The following TPRG1 variants were observed in gnomAD, a reference collection of about 807,000 sequenced individuals.
TPRG1 encodes tumor protein p63-regulated gene 1 protein.
A neutral mutation model predicts 29.3 loss-of-function variants in TPRG1; 29 were observed. That is an observed-to-expected ratio of 0.99 (90% CI 0.74 to 1.35). The LOEUF is 1.35. Among genes scored for constraint, TPRG1 ranks in the 40% most tolerant of loss-of-function variants. The pLI is 0.00. For missense variants in TPRG1, 327 were observed against 335.0 expected (o/e 0.98, Z 0.19); for synonymous variants, 130 against 116.8 (o/e 1.11, Z -0.73).
intron 3 of TPRG1, among the ~76,000 whole-genome samples, 156 bp downstream of exon 3, chr3:189,215,539 C>T (rs950141241): frequency 2.0e-4 from 30 of 152,088 alleles, no homozygotes; most frequent in Admixed American, 1.9e-3. Flanking sequence ...TCCAGCATTC[C>T]GTGGCTGATG....
chr3:189,021,054 C>G (rs926904608), intron 3 of TPRG1, among the ~76,000 whole-genome samples: 3 of 148,114 alleles, frequency 2.0e-5, no homozygotes, highest in Non-Finnish European at 3.0e-5. Flanking sequence ...GGATTGCAAC[C>G]CCTGCCTTTT....
chr3:189,056,403 G>A (rs1449165169), intron 4 of TPRG1, among the ~76,000 whole-genome samples: 2 of 152,002 alleles, frequency 1.3e-5, no homozygotes, highest in African/African-American at 2.4e-5. Context: ...GCCTAGCAGA[G>A]GTATTTTTGC....
intron 4 of TPRG1, among the ~76,000 whole-genome samples, chr3:189,057,032 C>T (rs577457590): frequency 6.6e-6 from 1 of 152,272 alleles, no homozygotes; most frequent in Non-Finnish European, 1.5e-5. Context: ...CTCTTGCTTC[C>T]CCTTGAAGCA....
chr3:189,259,642 G>A (rs929483260), intron 4 of TPRG1, among the ~76,000 whole-genome samples: 16 of 151,480 alleles, frequency 1.1e-4, no homozygotes, highest in African/African-American at 3.9e-4. Flanking sequence ...ATAATTTTTT[G>A]TATTTTTGGT....
intron 4 of TPRG1, among the ~76,000 whole-genome samples, chr3:189,040,678 C>A (rs980923509): frequency 6.6e-6 from 1 of 152,158 alleles, no homozygotes. Context: ...TTCTCCCAAC[C>A]TTGTACCATT....
intron 2 of TPRG1, among the ~76,000 whole-genome samples, chr3:189,213,403 A>T (rs1735572607): frequency 6.6e-6 from 1 of 152,176 alleles, no homozygotes; most frequent in South Asian, 2.1e-4. Flanking sequence ...AAGTTAACTT[A>T]TTATAGTAAC....
At chr3:189,022,107 A>G (rs966213281) in intron 3 of TPRG1, among the ~76,000 whole-genome samples, 1 of 151,868 alleles carries the variant, frequency 6.6e-6, no homozygotes, top group Non-Finnish European at 1.5e-5. Context: ...ACTTCTCTGT[A>G]TTGGTTATTC....
chr3:189,305,023 GA>G lies in TPRG1; in HGVS notation c.480-5362del, dbSNP rs1184729803. ...GAGCTATGTTTTTAATTCTGTGGTG[GA>G]GCTTTGAGATTTGAGATGAGTAGAA... On this transcript the variant is annotated intron_variant, in intron 4 of 5. Coordinates refer to ENST00000345063, the MANE Select transcript of TPRG1 (RefSeq NM_198485.4). 2.0e-5 allele frequency among the ~76,000 whole-genome samples: 3 copies of G among 152,292 alleles called. 1 individual carries two copies. The highest frequency in any genetic ancestry group is 6.8e-3 in the Middle Eastern group (2 of 294).
At chr3:189,013,716 A>G (rs1174090410) in intron 3 of TPRG1, among the ~76,000 whole-genome samples, 1 of 152,192 alleles carries the variant, frequency 6.6e-6, no homozygotes, top group Non-Finnish European at 1.5e-5. Context: ...TATTTGGTGC[A>G]TAAATATTTA....
intron 3 of TPRG1, among the ~76,000 whole-genome samples, chr3:189,007,926 T>C (rs9811008): frequency 0.03 from 4,169 of 137,568 alleles, 237 homozygotes; most frequent in African/African-American, 0.11. Flanking sequence ...AGGGATAGCA[T>C]TGGGAGATAT....
rs1007171608 is a variant in TPRG1, at chr3:189,322,826, G to A, written c.*2006G>A. The A allele has an allele frequency of 2.6e-5, 4 of 152,084 alleles. No individual in the cohort carries two copies. The highest frequency in any genetic ancestry group is 1.5e-5 in the Non-Finnish European group (1 of 68,012). 9.4% of individuals were successfully genotyped at this position (152,084 alleles called of 1,614,324 possible). Reference sequence around the variant, plus strand: ...AACAGTTCAGAAAGGATGACAGGAGGGAGATGTTTCTTAGTTCTGAGAGCC... The same window carrying A: ...AACAGTTCAGAAAGGATGACAGGAGAGAGATGTTTCTTAGTTCTGAGAGCC... On this transcript the variant is annotated 3_prime_UTR_variant, in exon 6 of 6. Coordinates refer to ENST00000345063, the MANE Select transcript of TPRG1 (RefSeq NM_198485.4).
At chr3:189,089,666 C>G (rs1718208119) in intron 4 of TPRG1, among the ~76,000 whole-genome samples, 1 of 152,150 alleles carries the variant, frequency 6.6e-6, no homozygotes, top group Non-Finnish European at 1.5e-5. Context: ...GTTCATGTCT[C>G]TCTTCCTCTT....
At chr3:189,290,810 G>C (rs1179183800) in intron 4 of TPRG1, among the ~76,000 whole-genome samples, 3 of 152,184 alleles carry the variant, frequency 2.0e-5, no homozygotes. Flanking sequence ...GGAGTTAGTT[G>C]AAAAGTTAAC....
intron 4 of TPRG1, among the ~76,000 whole-genome samples, chr3:189,257,293 G>C (rs757163404): frequency 1.3e-5 from 2 of 152,094 alleles, no homozygotes; most frequent in Non-Finnish European, 2.9e-5. Context: ...TGAAATTCTG[G>C]GTTGAAAATT....
At chr3:189,131,996 C>T (rs1723160147) in intron 2 of TPRG1, among the ~76,000 whole-genome samples, 1 of 152,114 alleles carries the variant, frequency 6.6e-6, no homozygotes, top group Non-Finnish European at 1.5e-5. Flanking sequence ...TTCTCTAGTC[C>T]TCAGTTTCTC....
At position 189,207,470 on chromosome 3, in the gene TPRG1, T is replaced by C; in HGVS notation, c.86T>C (p.Leu29Pro). Reference sequence around the variant, plus strand: ...GACCAACCCTCTGAGACTGACCACCTATCGATGGAGGAAGAGGACCCGATG... The same window carrying C: ...GACCAACCCTCTGAGACTGACCACCCATCGATGGAGGAAGAGGACCCGATG... ...GDDQPSETDH[L>P]SMEEEDPMPR... Residue 29 changes from leucine (L) to proline (P), a missense_variant, in exon 2 of 6, where the codon CTA (leucine) becomes CCA (proline). Leu to Pro is a moderately conservative substitution (Grantham distance 98). Transcript: ENST00000345063. The C allele has an allele frequency of 6.2e-7, 1 of 1,614,052 alleles. No homozygotes were observed. The highest frequency in any genetic ancestry group is 8.5e-7 in the Non-Finnish European group (1 of 1,179,980).
At chr3:188,999,169 G>A (rs1168168002) in intron 1 of TPRG1, among the ~76,000 whole-genome samples, 1 of 152,148 alleles carries the variant, frequency 6.6e-6, no homozygotes, top group Non-Finnish European at 1.5e-5. Flanking sequence ...GGGAACGTAA[G>A]AGCTGGCTTG....
chr3:189,039,724 G>T (rs1296881502), intron 4 of TPRG1, among the ~76,000 whole-genome samples: 1 of 152,162 alleles, frequency 6.6e-6, no homozygotes, highest in African/African-American at 2.4e-5. Context: ...ATCATTGAGA[G>T]AGAATGTACA....
intron 1 of TPRG1, among the ~76,000 whole-genome samples, chr3:188,997,809 G>A (rs774072330): frequency 2.6e-5 from 4 of 152,070 alleles, no homozygotes; most frequent in East Asian, 1.9e-4. Context: ...ACTATATCAC[G>A]AAGTATAAAA....
Sources: gnomAD v4.1 joint callset for allele counts (sites outside exome capture counted in the v4.1 genomes callset) on GRCh38, gnomAD v4.1.1 for gene constraint, MANE v1.5 for transcripts, NCBI Gene and HGNC (gene_info 2026-07-23, HGNC 2026-07-21) for gene names.